The following CATSPER3 variants were observed in gnomAD, a reference collection of about 807,000 sequenced individuals.
CATSPER3 encodes the protein cation channel sperm associated 3.
Under a neutral mutation model 36.6 loss-of-function variants are expected in CATSPER3, and 23 were observed. The ratio of observed to expected loss-of-function variants is 0.63; its 90% confidence interval spans 0.45 to 0.89. The LOEUF (loss-of-function observed/expected upper bound fraction) is 0.89, where lower values mean the gene tolerates loss of function less well. Among genes scored for constraint, CATSPER3 ranks in the 40% least tolerant of loss-of-function variants. The pLI, the probability that CATSPER3 is intolerant of heterozygous loss-of-function variation, is 0.00. For synonymous variants in CATSPER3, 172 were observed against 184.1 expected, an observed-to-expected ratio of 0.93 and a Z score of 0.53; for missense variants, 474 against 503.9, an observed-to-expected ratio of 0.94 and a Z score of 0.57.
chr5:134,987,975 G>A (rs1402760460), intron 2 of CATSPER3, among the ~76,000 whole-genome samples: 1 of 152,098 alleles, frequency 6.6e-6, no homozygotes, highest in Non-Finnish European at 1.5e-5. Context: ...GAAATAAAAG[G>A]CATCTAAATT....
rs750454356 is a variant in CATSPER3, at chr5:134,996,257, C to G, written c.253-16C>G. 2.5e-6 allele frequency: 4 copies of G among 1,614,230 alleles called. No individual in the cohort carries two copies. The highest frequency in any genetic ancestry group is 1.3e-5 in the African/African-American group (1 of 75,074). The stretch of plus-strand genomic sequence containing the variant: ...GCAGCTCGATCTGACTTCTCCAACC[C>G]TTGCTACCCCTGTAGTTCTCGGAGA... On this transcript the variant is annotated splice_polypyrimidine_tract_variant and intron_variant, in intron 2 of 7. Transcript: ENST00000282611.
intron 1 of CATSPER3, chr5:134,968,489 G>A: frequency 3.9e-6 from 1 of 257,068 alleles, no homozygotes; most frequent in Non-Finnish European, 7.5e-6. Context: ...TCAGGAGTTT[G>A]AGACCAGCCT....
At chr5:134,997,699 C>T (rs1751967295) in intron 3 of CATSPER3, among the ~76,000 whole-genome samples, 1 of 152,138 alleles carries the variant, frequency 6.6e-6, no homozygotes. Flanking sequence ...TCCCTGAGTT[C>T]TCCTCCTCTG....
chr5:134,969,932 T>C lies in CATSPER3; in HGVS notation c.99-7T>C, dbSNP rs1444954220. ...GTAACCATACTTCACATTCAACTTT[T>C]TGACAGGAGGAACGATGATGAATGT... On this transcript the variant is annotated splice_polypyrimidine_tract_variant and splice_region_variant and intron_variant, in intron 1 of 7. Transcript: ENST00000282611. 6.2e-7 allele frequency: 1 copy of C among 1,613,986 alleles called. No individual in the cohort carries two copies. The highest frequency in any genetic ancestry group is 8.5e-7 in the Non-Finnish European group (1 of 1,180,002).
At chr5:134,996,627 T>A in intron 3 of CATSPER3, 115 bp downstream of exon 3, 2 of 941,968 alleles carry the variant, frequency 2.1e-6, no homozygotes, top group South Asian at 1.5e-5. Context: ...GAGTCCAACG[T>A]GTGTGGCAGG....
At chr5:135,004,062 A>G (rs1752054777) in intron 3 of CATSPER3, among the ~76,000 whole-genome samples, 1 of 152,162 alleles carries the variant, frequency 6.6e-6, no homozygotes, top group East Asian at 1.9e-4. Flanking sequence ...GGAGCTATAG[A>G]CTGGAGTTGT....
intron 2 of CATSPER3, among the ~76,000 whole-genome samples, chr5:134,989,309 G>A (rs1751851819): frequency 6.6e-6 from 1 of 152,122 alleles, no homozygotes. Flanking sequence ...TAACAAGAGA[G>A]TCAGCCTGTC....
chr5:134,993,082 A>G (rs1368523425), intron 2 of CATSPER3, among the ~76,000 whole-genome samples: 1 of 152,264 alleles, frequency 6.6e-6, no homozygotes, highest in Admixed American at 6.5e-5. Flanking sequence ...TTAAAAAGGA[A>G]TAGAATTCTA....
chr5:134,993,625 T>G (rs2149549992), intron 2 of CATSPER3, among the ~76,000 whole-genome samples: 1 of 152,242 alleles, frequency 6.6e-6, no homozygotes, highest in East Asian at 1.9e-4. Context: ...GTCTAACAAT[T>G]TTATGCCAAT....
At chr5:135,004,561 G>A (rs1752061267) in intron 3 of CATSPER3, among the ~76,000 whole-genome samples, 1 of 152,204 alleles carries the variant, frequency 6.6e-6, no homozygotes, top group African/African-American at 2.4e-5. Context: ...GGCGGGATCT[G>A]GCAGTGGGAA....
intron 2 of CATSPER3, among the ~76,000 whole-genome samples, chr5:134,983,604 C>T (rs1751774716): frequency 6.6e-6 from 1 of 152,006 alleles, no homozygotes; most frequent in Non-Finnish European, 1.5e-5. Context: ...ATATTCCAAA[C>T]AAATAGAAAC....
intron 5 of CATSPER3, 131 bp from the exon 6 acceptor site, chr5:135,009,240 G>A: frequency 9.5e-7 from 1 of 1,053,948 alleles, no homozygotes; most frequent in South Asian, 1.3e-5. Flanking sequence ...CTTGAGTGGC[G>A]GCTGGCCCTG....
At chr5:134,969,832 TCA>T in intron 1 of CATSPER3, 105 bp from the exon 2 acceptor site, 1 of 1,130,972 alleles carries the variant, frequency 8.8e-7, no homozygotes, top group South Asian at 1.2e-5. Flanking sequence ...AAATTTATAT[TCA>T]CACAAGGGAG....
chr5:134,974,624 A>G lies in CATSPER3; in HGVS notation c.252+4532A>G, dbSNP rs1751646526. On this transcript the variant is annotated intron_variant, in intron 2 of 7. Coordinates refer to ENST00000282611, the MANE Select transcript of CATSPER3 (RefSeq NM_178019.3). ...ATTTTGCAATAAAAAGGTTAAAAAT[A>G]TACTCTTCTTATCTTTAGGATAAAT... is the stretch of plus-strand genomic sequence containing the variant. Among the ~76,000 whole-genome samples, 4 of 152,316 alleles carry G rather than the reference A, an allele frequency of 2.6e-5. No homozygotes were observed. The South Asian group carries it at 8.3e-4, about 32-fold the overall frequency.
intron 3 of CATSPER3, among the ~76,000 whole-genome samples, chr5:134,999,038 T>C (rs1348435595): frequency 1.3e-5 from 2 of 152,244 alleles, no homozygotes; most frequent in Non-Finnish European, 2.9e-5. Flanking sequence ...AGTGTTTTTA[T>C]GGTTTTAGGT....
chr5:134,968,238 T>A, intron 1 of CATSPER3, 149 bp downstream of exon 1: 1 of 677,794 alleles, frequency 1.5e-6, no homozygotes, highest in African/African-American at 1.8e-5. Flanking sequence ...GTTTCTATGA[T>A]TGGTGAGGCT....
intron 2 of CATSPER3, chr5:134,975,440 A>AAAAC (rs369154582): frequency 0.013 from 2,019 of 152,976 alleles, 12 homozygotes; most frequent in African/African-American, 0.029. Context: ...TCTGTGGGGA[A>AAAAC]AAACAAACAA....
intron 2 of CATSPER3, among the ~76,000 whole-genome samples, chr5:134,976,626 G>A (rs963436044): frequency 2.6e-5 from 4 of 152,232 alleles, no homozygotes; most frequent in Admixed American, 6.5e-5. Context: ...ACTAGGCAGT[G>A]CCCTAGTGGA....
intron 3 of CATSPER3, among the ~76,000 whole-genome samples, chr5:135,001,343 G>A (rs1030339454): frequency 3.3e-5 from 5 of 152,184 alleles, no homozygotes; most frequent in African/African-American, 1.2e-4. Flanking sequence ...CATTTGCTGA[G>A]GAGTGCTTTA....
Sources: allele counts gnomAD v4.1 joint callset (sites outside exome capture counted in the v4.1 genomes callset), GRCh38; gene constraint gnomAD v4.1.1; transcripts MANE v1.5; gene names NCBI Gene and HGNC (gene_info 2026-07-23, HGNC 2026-07-21).